The following RARB variants were observed in gnomAD, a reference collection of about 807,000 sequenced individuals.
The protein encoded by RARB is retinoic acid receptor beta.
A neutral mutation model predicts 51.9 loss-of-function variants in RARB; 17 were observed. The observed-to-expected ratio is 0.33, with a 90% CI of 0.22 to 0.49. RARB has a LOEUF of 0.49. Among genes scored for constraint, RARB ranks in the 20% least tolerant of loss-of-function variants. The pLI is 0.99. For synonymous variants in RARB, 215 were observed against 195.4 expected, an observed-to-expected ratio of 1.10 and a Z score of -0.84; for missense variants, 369 against 550.8, an observed-to-expected ratio of 0.67 and a Z score of 3.30.
intron 2 of RARB, among the ~76,000 whole-genome samples, chr3:25,003,799 A>G (rs536735687): frequency 2.0e-5 from 3 of 152,280 alleles, no homozygotes; most frequent in Non-Finnish European, 2.9e-5. Context: ...ATAAAAGGTC[A>G]CAGAAAAGGC....
At chr3:25,256,109 A>G (rs1456619348) in intron 5 of RARB, among the ~76,000 whole-genome samples, 2 of 152,168 alleles carry the variant, frequency 1.3e-5, no homozygotes, top group Non-Finnish European at 2.9e-5. Context: ...CAACAGGTGA[A>G]TGAAAATATA....
chr3:25,249,357 G>T (rs1702647436), intron 5 of RARB, among the ~76,000 whole-genome samples: 1 of 151,506 alleles, frequency 6.6e-6, no homozygotes, highest in African/African-American at 2.4e-5. Flanking sequence ...TCTTTGTATT[G>T]TTCATTTGTG....
At chr3:25,479,034 C>T (rs956711361) in intron 2 of RARB, among the ~76,000 whole-genome samples, 8 of 152,036 alleles carry the variant, frequency 5.3e-5, no homozygotes, top group Admixed American at 6.6e-5. Context: ...ATTTGGAAGT[C>T]GTCTATGGGC....
chr3:24,902,621 C>G (rs1225841355), intron 2 of RARB, among the ~76,000 whole-genome samples: 1 of 152,116 alleles, frequency 6.6e-6, no homozygotes, highest in Admixed American at 6.6e-5. Context: ...CTGACCTCCC[C>G]CTTTTATCTC....
chr3:25,091,115 G>C (rs1231161464), intron 3 of RARB, among the ~76,000 whole-genome samples: 2 of 152,136 alleles, frequency 1.3e-5, no homozygotes, highest in Admixed American at 1.3e-4. Context: ...TTCATCAGTA[G>C]TGCCTATTTA....
intron 2 of RARB, among the ~76,000 whole-genome samples, chr3:25,050,120 G>C (rs1412957286): frequency 6.6e-6 from 1 of 152,196 alleles, no homozygotes; most frequent in African/African-American, 2.4e-5. Context: ...TGCCAAGCTT[G>C]TATGAATGTG....
At chr3:24,895,487 C>A (rs561171250) in intron 2 of RARB, among the ~76,000 whole-genome samples, 13 of 152,118 alleles carry the variant, frequency 8.5e-5, no homozygotes, top group African/African-American at 3.1e-4. Flanking sequence ...AACAACTGTT[C>A]TAGATTAAAG....
intron 2 of RARB, among the ~76,000 whole-genome samples, chr3:24,947,349 C>T (rs908727115): frequency 6.6e-6 from 1 of 152,188 alleles, no homozygotes; most frequent in African/African-American, 2.4e-5. Context: ...GTTACAGATG[C>T]ACATTTTATA....
chr3:24,865,982 A>G (rs1702841080), intron 2 of RARB, among the ~76,000 whole-genome samples: 1 of 152,036 alleles, frequency 6.6e-6, no homozygotes, highest in Non-Finnish European at 1.5e-5. Context: ...CTTTCCCCCT[A>G]ATTAAGCTAT....
intron 3 of RARB, among the ~76,000 whole-genome samples, chr3:25,550,985 A>C (rs1265745544): frequency 1.3e-5 from 2 of 152,184 alleles, no homozygotes; most frequent in Non-Finnish European, 2.9e-5. Flanking sequence ...TAGGGGATTA[A>C]GTTTTAACTT....
chr3:25,336,969 A>G (rs1272903693), intron 5 of RARB, among the ~76,000 whole-genome samples: 1 of 152,146 alleles, frequency 6.6e-6, no homozygotes, highest in Non-Finnish European at 1.5e-5. Flanking sequence ...GAGTGTGTGG[A>G]CGAGTTCAAT....
At chr3:24,935,565 T>C (rs1695531732) in intron 2 of RARB, among the ~76,000 whole-genome samples, 1 of 152,148 alleles carries the variant, frequency 6.6e-6, no homozygotes, top group Non-Finnish European at 1.5e-5. Flanking sequence ...TTCTGAAATA[T>C]TCACACCCCT....
chr3:25,237,213 T>A (rs1702322847), intron 5 of RARB, among the ~76,000 whole-genome samples: 1 of 152,084 alleles, frequency 6.6e-6, no homozygotes, highest in African/African-American at 2.4e-5. Context: ...GCTAATCCCT[T>A]TGGAGAACTT....
chr3:25,458,228 ATATT>A (rs1250629602), intron 1 of RARB: 3 of 152,356 alleles, frequency 2.0e-5, no homozygotes, highest in African/African-American at 2.4e-5. Flanking sequence ...TCTGTGAAAA[ATATT>A]TATCGACAAG....
intron 3 of RARB, among the ~76,000 whole-genome samples, chr3:25,543,993 A>G (rs926709779): frequency 6.6e-6 from 1 of 152,252 alleles, no homozygotes; most frequent in Non-Finnish European, 1.5e-5. Flanking sequence ...TCATTGCAGC[A>G]TTATTTATGC....
chr3:24,845,192 G>A (rs537338355), intron 1 of RARB, among the ~76,000 whole-genome samples: 3 of 152,266 alleles, frequency 2.0e-5, no homozygotes, highest in African/African-American at 4.8e-5. Flanking sequence ...TATTTAAAAT[G>A]GCATAAAGCA....
intron 5 of RARB, among the ~76,000 whole-genome samples, chr3:25,215,428 G>A (rs4681077): frequency 0.46 from 69,866 of 152,022 alleles, 17,397 homozygotes; most frequent in East Asian, 0.67. Context: ...TATGGAGGTC[G>A]TCTGACATGT....
chr3:25,541,965 A>G (rs1699401966), intron 3 of RARB, among the ~76,000 whole-genome samples: 1 of 152,206 alleles, frequency 6.6e-6, no homozygotes. Context: ...TTTGTTAAAT[A>G]AATTGTCAAC....
chr3:25,174,200 GTAATC>G, exon 5 of RARB: 1 of 291,176 alleles, frequency 3.4e-6, no homozygotes. Context: ...CATCCTTCCT[GTAATC>G]AGTGTAGCAA....
Sources: allele counts gnomAD v4.1 joint callset (sites outside exome capture counted in the v4.1 genomes callset), GRCh38; gene constraint gnomAD v4.1.1; transcripts MANE v1.5; gene names NCBI Gene and HGNC (gene_info 2026-07-23, HGNC 2026-07-21).